ENTREP2: variants seen among roughly 807,000 people sequenced by gnomAD.
The protein encoded by ENTREP2 is endosomal transmembrane epsin interactor 2.
the ENTREP2 span, chr15:29,123,571 CG>C: frequency 1.3e-6 from 2 of 1,551,752 alleles, no homozygotes; most frequent in East Asian, 2.4e-5. Context: ...TGGTGTTGGC[CG>C]TTGGTCAGTT....
the ENTREP2 span, among the ~76,000 whole-genome samples, chr15:29,307,000 G>A: frequency 1.3e-5 from 2 of 151,862 alleles, no homozygotes; most frequent in Admixed American, 6.6e-5. Flanking sequence ...CACCCTCCTC[G>A]GCCTCCCAAA....
the ENTREP2 span, among the ~76,000 whole-genome samples, chr15:29,657,609 T>C: frequency 6.6e-6 from 1 of 151,954 alleles, no homozygotes; most frequent in African/African-American, 2.4e-5. Flanking sequence ...TGCTGATTGG[T>C]GCATTTTACA....
the ENTREP2 span, among the ~76,000 whole-genome samples, chr15:29,656,219 T>A: frequency 6.6e-6 from 1 of 150,796 alleles, no homozygotes; most frequent in Non-Finnish European, 1.5e-5. Context: ...ATATAAGAAA[T>A]GTTAACGGAA....
At chr15:29,426,989 G>T in the ENTREP2 span, among the ~76,000 whole-genome samples, 1 of 152,040 alleles carries the variant, frequency 6.6e-6, no homozygotes, top group Admixed American at 6.6e-5. Flanking sequence ...GATGAGAGAA[G>T]GCCAAAGAAA....
At chr15:29,638,018 C>T in the ENTREP2 span, among the ~76,000 whole-genome samples, 2 of 152,198 alleles carry the variant, frequency 1.3e-5, no homozygotes, top group African/African-American at 4.8e-5. Flanking sequence ...GAGGCTGTGG[C>T]ACCTCCAAGT....
At chr15:29,282,387 C>A in the ENTREP2 span, among the ~76,000 whole-genome samples, 1 of 152,206 alleles carries the variant, frequency 6.6e-6, no homozygotes, top group Non-Finnish European at 1.5e-5. Context: ...GTCCATTAAA[C>A]CTCTTTTTCT....
At chr15:29,290,485 C>T in the ENTREP2 span, among the ~76,000 whole-genome samples, 1 of 152,332 alleles carries the variant, frequency 6.6e-6, no homozygotes, top group South Asian at 2.1e-4. Context: ...TAACACTCAC[C>T]TGCATCTGGT....
At chr15:29,185,697 G>C in the ENTREP2 span, among the ~76,000 whole-genome samples, 1 of 152,052 alleles carries the variant, frequency 6.6e-6, no homozygotes, top group African/African-American at 2.4e-5. Context: ...GAGTAGCTGG[G>C]ATTACAGGCG....
the ENTREP2 span, among the ~76,000 whole-genome samples, chr15:29,572,803 T>C: frequency 2.0e-5 from 3 of 151,582 alleles, no homozygotes; most frequent in East Asian, 5.9e-4. Context: ...GGGTTCAGTG[T>C]TATGGAGACT....
At chr15:29,440,187 G>A in the ENTREP2 span, among the ~76,000 whole-genome samples, 1 of 152,072 alleles carries the variant, frequency 6.6e-6, no homozygotes, top group Non-Finnish European at 1.5e-5. Flanking sequence ...AGAAAAATTG[G>A]TGAAATCCCA....
chr15:29,418,267 TTTTC>T, the ENTREP2 span, among the ~76,000 whole-genome samples: 2 of 152,338 alleles, frequency 1.3e-5, no homozygotes, highest in South Asian at 2.1e-4. Flanking sequence ...TATGCTTTCC[TTTTC>T]TTTAAGGGCT....
chr15:29,137,294 G>T, the ENTREP2 span: 1 of 1,111,922 alleles, frequency 9.0e-7, no homozygotes, highest in Non-Finnish European at 1.2e-6. Context: ...AGTTTGGAAT[G>T]CCTGTAATTT....
At chr15:29,159,790 C>T in the ENTREP2 span, among the ~76,000 whole-genome samples, 1 of 152,154 alleles carries the variant, frequency 6.6e-6, no homozygotes, top group Admixed American at 6.5e-5. Context: ...CACAGAGTGC[C>T]GACTGGTGTA....
At chr15:29,386,962 C>T in the ENTREP2 span, among the ~76,000 whole-genome samples, 2 of 152,190 alleles carry the variant, frequency 1.3e-5, no homozygotes, top group Admixed American at 1.3e-4. Flanking sequence ...AATTTGACTT[C>T]CTCTTTTCCT....
chr15:29,570,977 CCTCCCCCGCCCGCCCCGCGCG>C, the ENTREP2 span, among the ~76,000 whole-genome samples: 8 of 145,266 alleles, frequency 5.5e-5, no homozygotes, highest in Non-Finnish European at 1.1e-4. Context: ...CGCGCTGCGC[CCTCCCCCGCCCGCCCCGCGCG>C]CTCCCCGGCC....
At chr15:29,311,691 C>G in the ENTREP2 span, among the ~76,000 whole-genome samples, 1 of 151,678 alleles carries the variant, frequency 6.6e-6, no homozygotes, top group Non-Finnish European at 1.5e-5. Context: ...CTCCATCCCC[C>G]CCCCAAAAAA....
At chr15:29,239,539 G>A in the ENTREP2 span, among the ~76,000 whole-genome samples, 20 of 152,300 alleles carry the variant, frequency 1.3e-4, no homozygotes, top group East Asian at 3.7e-3. Context: ...CAGAAAGCCT[G>A]GAGCAAGTCG....
chr15:29,497,197 T>G, the ENTREP2 span, among the ~76,000 whole-genome samples: 5 of 152,326 alleles, frequency 3.3e-5, no homozygotes, highest in East Asian at 9.7e-4. Context: ...CCCTAGATCT[T>G]GGACTTCCCC....
chr15:29,289,691 C>G, the ENTREP2 span, among the ~76,000 whole-genome samples: 1 of 152,042 alleles, frequency 6.6e-6, no homozygotes, highest in Admixed American at 6.5e-5. Flanking sequence ...ACTAAAAATA[C>G]AAAAATTAGC....
Sources: gnomAD v4.1 joint callset for allele counts (sites outside exome capture counted in the v4.1 genomes callset) on GRCh38, gnomAD v4.1.1 for gene constraint, MANE v1.5 for transcripts, NCBI Gene and HGNC (gene_info 2026-07-23, HGNC 2026-07-21) for gene names.